Variants in CPA6 observed in about 807,000 individuals in gnomAD.
CPA6 encodes carboxypeptidase B.
CPA6 carries 58 observed loss-of-function variants against 63.3 expected under a neutral mutation model. The ratio of observed to expected loss-of-function variants is 0.92; its 90% CI spans 0.74 to 1.14. CPA6 has a LOEUF of 1.14. Among genes scored for constraint, CPA6 ranks in the 50% most tolerant of loss-of-function variants. The pLI is 0.00. For synonymous variants in CPA6, 185 were observed against 179.0 expected (o/e 1.03, Z -0.27); for missense variants, 565 against 526.6 (o/e 1.07, Z -0.71).
At chr8:67,633,666 G>A (rs1815396956) in intron 1 of CPA6, among the ~76,000 whole-genome samples, 1 of 143,794 alleles carries the variant, frequency 7.0e-6, no homozygotes. Flanking sequence ...GGGCGACAGA[G>A]CGAGACTCCG....
At chr8:67,745,150 C>T (rs866330157) in intron 1 of CPA6, among the ~76,000 whole-genome samples, 53 of 152,114 alleles carry the variant, frequency 3.5e-4, no homozygotes, top group African/African-American at 1.2e-3. Context: ...ATGATAGTAG[C>T]CTATTTAAAA....
At chr8:67,470,319 C>A (rs1811029929) in intron 8 of CPA6, among the ~76,000 whole-genome samples, 1 of 152,098 alleles carries the variant, frequency 6.6e-6, no homozygotes, top group Non-Finnish European at 1.5e-5. Context: ...TGTGAGCCAC[C>A]ACGCCCGGCC....
intron 1 of CPA6, among the ~76,000 whole-genome samples, chr8:67,627,052 T>G (rs2128987391): frequency 6.6e-6 from 1 of 152,186 alleles, no homozygotes; most frequent in South Asian, 2.1e-4. Context: ...AATTCTCAGG[T>G]GTGACTTTAG....
chr8:67,456,812 T>C (rs1810686628), intron 8 of CPA6, among the ~76,000 whole-genome samples: 1 of 152,194 alleles, frequency 6.6e-6, no homozygotes, highest in Admixed American at 6.5e-5. Context: ...CTATATGTAA[T>C]TACAGGTGCC....
intron 2 of CPA6, among the ~76,000 whole-genome samples, chr8:67,619,228 C>T (rs565920997): frequency 3.3e-5 from 5 of 152,188 alleles, no homozygotes; most frequent in Non-Finnish European, 7.3e-5. Flanking sequence ...GGAAAATTAA[C>T]AATGATTCAT....
At chr8:67,676,873 C>T (rs569150153) in intron 1 of CPA6, among the ~76,000 whole-genome samples, 55 of 152,180 alleles carry the variant, frequency 3.6e-4, no homozygotes, top group Middle Eastern at 6.8e-3. Context: ...ATATAATATC[C>T]GCAATTTTGA....
intron 6 of CPA6, 143 bp from the exon 7 acceptor site, chr8:67,484,932 A>G (rs563587615): frequency 2.0e-6 from 1 of 509,852 alleles, no homozygotes; most frequent in East Asian, 3.2e-5. Flanking sequence ...AGTCTTCGAC[A>G]TTGTAAATTC....
At chr8:67,656,098 T>A (rs1206398268) in intron 1 of CPA6, among the ~76,000 whole-genome samples, 1 of 152,046 alleles carries the variant, frequency 6.6e-6, no homozygotes, top group Non-Finnish European at 1.5e-5. Context: ...AAGTTGGGGT[T>A]TTTCTTTTGC....
intron 1 of CPA6, among the ~76,000 whole-genome samples, chr8:67,653,454 T>C (rs1360046408): frequency 1.3e-5 from 2 of 150,800 alleles, no homozygotes; most frequent in Non-Finnish European, 3.0e-5. Context: ...AAGAGGTCCT[T>C]CACATCCCTT....
chr8:67,473,045 C>T (rs1418872039), intron 8 of CPA6, among the ~76,000 whole-genome samples: 1 of 152,178 alleles, frequency 6.6e-6, no homozygotes, highest in Non-Finnish European at 1.5e-5. Flanking sequence ...TGCATATAAT[C>T]AGTGTCTAGA....
At chr8:67,488,963 G>A (rs138158932) in intron 6 of CPA6, among the ~76,000 whole-genome samples, 36 of 152,214 alleles carry the variant, frequency 2.4e-4, no homozygotes, top group Admixed American at 5.2e-4. Context: ...TGAGACGATG[G>A]GGTTTTCTAA....
chr8:67,678,230 C>T (rs1816520539), intron 1 of CPA6, among the ~76,000 whole-genome samples: 1 of 109,990 alleles, frequency 9.1e-6, no homozygotes. Context: ...CTCTGTCTCA[C>T]ACACACACAC....
chr8:67,586,302 C>T (rs1233590004), intron 2 of CPA6, among the ~76,000 whole-genome samples: 1 of 152,110 alleles, frequency 6.6e-6, no homozygotes, highest in African/African-American at 2.4e-5. Flanking sequence ...CCAATAGGGG[C>T]TTCTACGTGG....
In CPA6 at chr8:67,534,128, C is replaced by T. The variant is rs7002524; in HGVS notation, c.193-16081G>A. 9.5e-3 allele frequency among the ~76,000 whole-genome samples: 1,449 copies of T among 152,284 alleles called. 23 individuals are homozygous for T. Among genetic ancestry groups the T allele is most frequent in the African/African-American group, 0.033 (1,366 of 41,550 alleles). On this transcript the variant is annotated intron_variant, in intron 2 of 10. Transcript: ENST00000297770. ...TGTTCCCCTTGGAATGGAAAGCTGC[C>T]AATGACATCATGTGCACAGAGTGAA...
intron 9 of CPA6, among the ~76,000 whole-genome samples, chr8:67,431,356 T>C (rs1313580256): frequency 6.6e-6 from 1 of 152,102 alleles, no homozygotes; most frequent in Non-Finnish European, 1.5e-5. Flanking sequence ...TTCTCCTGCC[T>C]CAGCCTCCCA....
chr8:67,422,755 G>A (rs1007380375), intron 10 of CPA6, 64 bp from the exon 11 acceptor site: 3 of 1,219,028 alleles, frequency 2.5e-6, no homozygotes, highest in Non-Finnish European at 3.5e-6. Context: ...TTTTCTAAAT[G>A]TATATACTAT....
At chr8:67,616,823 G>A (rs989662161) in intron 2 of CPA6, among the ~76,000 whole-genome samples, 9 of 152,078 alleles carry the variant, frequency 5.9e-5, no homozygotes, top group African/African-American at 2.2e-4. Flanking sequence ...TAGACAACGA[G>A]AGACCCATGG....
chr8:67,605,696 T>C (rs1188568306), intron 2 of CPA6, among the ~76,000 whole-genome samples: 2 of 152,128 alleles, frequency 1.3e-5, no homozygotes, highest in African/African-American at 4.8e-5. Flanking sequence ...ACTGGTTCTA[T>C]TAAAGTAACA....
At chr8:67,458,205 T>A (rs1329068419) in intron 8 of CPA6, among the ~76,000 whole-genome samples, 4 of 152,206 alleles carry the variant, frequency 2.6e-5, no homozygotes, top group Non-Finnish European at 4.4e-5. Flanking sequence ...TCACTTTATT[T>A]ATTTTTTTTG....
Sources: allele counts gnomAD v4.1 joint callset (sites outside exome capture counted in the v4.1 genomes callset), GRCh38; gene constraint gnomAD v4.1.1; transcripts MANE v1.5; gene names NCBI Gene and HGNC (gene_info 2026-07-23, HGNC 2026-07-21).